The following ZNF568 variants were observed in gnomAD, a reference collection of about 807,000 sequenced individuals.
ZNF568 encodes the protein zinc finger protein 568.
ZNF568 carries 11 observed loss-of-function variants against 18.1 expected under a neutral mutation model. The observed-to-expected ratio is 0.61, with a 90% CI of 0.38 to 1.00. The LOEUF (loss-of-function observed/expected upper bound fraction) is 1.00, where lower values mean the gene tolerates loss of function less well. Ranked by LOEUF, ZNF568 falls within the 50% of genes least tolerant of loss-of-function variation. ZNF568 has a pLI of 0.01. For synonymous variants in ZNF568, 213 were observed against 246.6 expected, an observed-to-expected ratio of 0.86 and a Z score of 1.28; for missense variants, 639 against 768.2, an observed-to-expected ratio of 0.83 and a Z score of 1.99.
In ZNF568 at chr19:36,952,024, T is replaced by C. The variant is rs10411931; in HGVS notation, c.*936T>C. On this transcript the variant is annotated 3_prime_UTR_variant, in exon 7 of 7. Transcript: ENST00000333987. ...AAAATAGATGATATTGTCTATGACG[T>C]TGAGGCCAAGGAGCTTTTTTTTTTT... 194,983 of 904,478 alleles carry C rather than the reference T, an allele frequency of 0.22. 19,812 individuals are homozygous for C. The highest frequency in any genetic ancestry group is 0.3 in the South Asian group (6,098 of 19,998). 56.0% of individuals were successfully genotyped at this position (904,478 alleles called of 1,614,324 possible). A position where few individuals can be genotyped will look rare whatever the true frequency, so the allele number is the denominator to read the frequency against.
chr19:36,952,133 T>G lies in ZNF568; in HGVS notation c.*1045T>G. The G allele has an allele frequency of 1.6e-6, 1 of 629,814 alleles. No individual in the cohort carries two copies. Among genetic ancestry groups the G allele is most frequent in the Non-Finnish European group, 1.9e-6 (1 of 514,052 alleles). 39.0% of individuals were successfully genotyped at this position (629,814 alleles called of 1,614,324 possible). On this transcript the variant is annotated 3_prime_UTR_variant, in exon 7 of 7. Coordinates refer to ENST00000333987, the MANE Select transcript of ZNF568 (RefSeq NM_198539.4). ...AAACTCACAAATAATGCATAAGAAA[T>G]ATATATATAATATATGTATGTATGT...
At chr19:36,927,774 GT>G (rs1248619868) in intron 4 of ZNF568, among the ~76,000 whole-genome samples, 2 of 142,756 alleles carry the variant, frequency 1.4e-5, no homozygotes, top group African/African-American at 5.2e-5. Context: ...TGCACAACTA[GT>G]TGGAGAAGAA....
chr19:36,951,830 T>G lies in ZNF568; in HGVS notation c.*742T>G. 6.7e-6 allele frequency: 3 copies of G among 450,284 alleles called. No individual in the cohort carries two copies. The highest frequency in any genetic ancestry group is 8.8e-6 in the Non-Finnish European group (3 of 341,466). 27.9% of individuals were successfully genotyped at this position (450,284 alleles called of 1,614,324 possible). On this transcript the variant is annotated 3_prime_UTR_variant, in exon 7 of 7. Coordinates refer to ENST00000333987, the MANE Select transcript of ZNF568 (RefSeq NM_198539.4). ...TTTTAGTAGAGACGGGGTTTCACCA[T>G]GTTGGCCAGGGTAGTCTTGAACTCC...
At chr19:36,991,723 A>C in intron 3 of ZNF568, 1 of 1,524,868 alleles carries the variant, frequency 6.6e-7, no homozygotes, top group Non-Finnish European at 8.8e-7. Flanking sequence ...ACCCACAACA[A>C]AACCTTGTTC....
chr19:36,933,916 G>GTTTTTTTTTTTTTTTTTTTTTT (rs1243440418), intron 4 of ZNF568, among the ~76,000 whole-genome samples: 4 of 20,720 alleles, frequency 1.9e-4, no homozygotes, highest in Non-Finnish European at 2.8e-4. Context: ...TTTTTGTTTT[G>GTTTTTTTTTTTTTTTTTTTTTT]TTTTTTTGTT....
At position 36,975,153 on chromosome 19, in the gene ZNF568, T is replaced by TTTC. The variant is rs369131570; in HGVS notation, c.405+689_405+690insCTT. 1.3e-3 allele frequency among the ~76,000 whole-genome samples: 142 copies of TTTC among 106,954 alleles called. 1 individual carries two copies. The highest frequency in any genetic ancestry group is 6.3e-3 in the South Asian group (25 of 3,982). 70.2% of individuals were successfully genotyped at this position (106,954 alleles called of 152,430 possible). A position where few individuals can be genotyped will look rare whatever the true frequency, so the allele number is the denominator to read the frequency against. ...GCTTATCAATTTCTTTCTTTCTTTC[T>TTTC]TTTTTTTTTTTTTGAGACCGAGTTT... On this transcript the variant is annotated intron_variant, in intron 7 of 7. Transcript: ENST00000427117.
chr19:36,958,741 C>A (rs895323414), intron 6 of ZNF568, among the ~76,000 whole-genome samples: 10 of 150,988 alleles, frequency 6.6e-5, no homozygotes, highest in Non-Finnish European at 1.3e-4. Context: ...GCCTCAGCCT[C>A]CCAAGTAGCT....
chr19:36,967,789 A>G (rs1304182702), intron 6 of ZNF568, among the ~76,000 whole-genome samples: 1 of 152,222 alleles, frequency 6.6e-6, no homozygotes. Flanking sequence ...TTTGCCATCA[A>G]CCAAAAGCAT....
intron 4 of ZNF568, among the ~76,000 whole-genome samples, chr19:36,934,066 T>C (rs982802750): frequency 6.6e-6 from 1 of 151,208 alleles, no homozygotes; most frequent in Non-Finnish European, 1.5e-5. Context: ...TATTTATTCA[T>C]AATATTTCTT....
chr19:36,929,950 T>G (rs1300229386), intron 4 of ZNF568, among the ~76,000 whole-genome samples: 5 of 150,414 alleles, frequency 3.3e-5, no homozygotes, highest in Admixed American at 6.6e-5. Context: ...TTCATGTTTT[T>G]TTTTTTTTTT....
chr19:36,920,984 G>A (rs1407709426), intron 2 of ZNF568, among the ~76,000 whole-genome samples: 1 of 152,092 alleles, frequency 6.6e-6, no homozygotes, highest in Non-Finnish European at 1.5e-5. Flanking sequence ...TGCCATACAG[G>A]TTCGTAGCCT....
At chr19:36,962,110 TG>T (rs1568399260) in intron 6 of ZNF568, among the ~76,000 whole-genome samples, 2 of 136,036 alleles carry the variant, frequency 1.5e-5, no homozygotes, top group African/African-American at 5.7e-5. Context: ...CAGGCTTTTT[TG>T]TTGTTTTATG....
chr19:36,964,809 TATAA>T (rs1186153197), intron 6 of ZNF568, among the ~76,000 whole-genome samples: 4 of 152,120 alleles, frequency 2.6e-5, no homozygotes, highest in Non-Finnish European at 4.4e-5. Flanking sequence ...CCTTATCTCT[TATAA>T]ATAAATAAAC....
At position 36,950,184 on chromosome 19, in the gene ZNF568, G is replaced by A. The variant is rs777355945; in HGVS notation, c.1031G>A (p.Ser344Asn). Residue 344 changes from serine (S) to asparagine (N), a missense_variant, in exon 7 of 7, where the codon AGC (serine) becomes AAC (asparagine). By Grantham distance (46) the Ser-to-Asn change is conservative. Coordinates refer to ENST00000333987, the MANE Select transcript of ZNF568 (RefSeq NM_198539.4). Reference protein sequence around the residue: ...YECKECGKSFSQKQNLIEHEK... With the variant: ...YECKECGKSFNQKQNLIEHEK... ...TGTAAGGAATGTGGGAAATCCTTCA[G>A]CCAGAAGCAAAATCTTATTGAGCAC... The A allele has an allele frequency of 6.2e-7, 1 of 1,613,270 alleles. No homozygotes were observed. Among genetic ancestry groups the A allele is most frequent in the Non-Finnish European group, 8.5e-7 (1 of 1,179,624 alleles).
chr19:36,942,119 A>G (rs2073889310), intron 6 of ZNF568, among the ~76,000 whole-genome samples: 1 of 151,306 alleles, frequency 6.6e-6, no homozygotes, highest in Non-Finnish European at 1.5e-5. Context: ...AGTAACTGGG[A>G]TCACAGGCAT....
chr19:36,997,024 C>T, exon 5 of ZNF568: 1 of 1,560,508 alleles, frequency 6.4e-7, no homozygotes, highest in Non-Finnish European at 8.6e-7. Flanking sequence ...TCAAAGAATC[C>T]ATACGGGTGA....
At chr19:36,928,473 T>C (rs757534700) in intron 4 of ZNF568, among the ~76,000 whole-genome samples, 16 of 152,210 alleles carry the variant, frequency 1.1e-4, no homozygotes, top group Non-Finnish European at 2.2e-4. Flanking sequence ...GTACCATGTT[T>C]ACTTGTAAAA....
intron 6 of ZNF568, among the ~76,000 whole-genome samples, chr19:36,944,174 G>A (rs1184529323): frequency 6.6e-6 from 1 of 151,924 alleles, no homozygotes; most frequent in Non-Finnish European, 1.5e-5. Flanking sequence ...TGAAGCAGGC[G>A]AATCACCTGA....
chr19:36,978,908 T>C, intron 7 of ZNF568: 3 of 293,328 alleles, frequency 1.0e-5, no homozygotes, highest in South Asian at 5.4e-5. Flanking sequence ...ATGAAACCTG[T>C]GTCAGTCTCA....
Sources: allele counts gnomAD v4.1 joint callset (sites outside exome capture counted in the v4.1 genomes callset), GRCh38; gene constraint gnomAD v4.1.1; transcripts MANE v1.5; gene names NCBI Gene and HGNC (gene_info 2026-07-23, HGNC 2026-07-21).